The following CDH13 variants were observed in gnomAD, a reference collection of about 807,000 sequenced individuals.
CDH13 encodes cadherin-13.
Under a neutral mutation model 63.8 loss-of-function variants are expected in CDH13, and 24 were observed. The ratio of observed to expected loss-of-function variants is 0.38; its 90% CI spans 0.27 to 0.53. CDH13 has a LOEUF of 0.53. Among genes scored for constraint, CDH13 ranks in the 20% least tolerant of loss-of-function variants. CDH13 has a pLI of 0.85. For synonymous variants in CDH13, 503 were observed against 355.3 expected (o/e 1.42, Z -4.67); for missense variants, 1,049 against 903.1 (o/e 1.16, Z -2.07).
intron 7 of CDH13, among the ~76,000 whole-genome samples, chr16:83,531,152 A>T (rs1473383626): frequency 6.6e-6 from 1 of 152,212 alleles, no homozygotes; most frequent in African/African-American, 2.4e-5. Context: ...CTTCTGGGTA[A>T]CACCTATGTT....
At chr16:83,233,922 A>C (rs967286842) in intron 5 of CDH13, among the ~76,000 whole-genome samples, 2 of 152,188 alleles carry the variant, frequency 1.3e-5, no homozygotes, top group Non-Finnish European at 2.9e-5. Flanking sequence ...GGAGAGACAG[A>C]GTGGGTTAGG....
At chr16:83,299,561 C>T (rs529710623) in intron 5 of CDH13, among the ~76,000 whole-genome samples, 2 of 152,178 alleles carry the variant, frequency 1.3e-5, no homozygotes, top group African/African-American at 4.8e-5. Context: ...TTTGTTCATT[C>T]CACATAAGTG....
chr16:82,636,645 G>C lies in CDH13; in HGVS notation c.45+9508G>C, dbSNP rs145839333. Reference sequence around the variant, plus strand: ...GCTTCAGCATGTTGGGTGTAGCCTTGGTGACTTCTGTTTGTGGTGTAGTAG... The same window carrying C: ...GCTTCAGCATGTTGGGTGTAGCCTTCGTGACTTCTGTTTGTGGTGTAGTAG... On this transcript the variant is annotated intron_variant, in intron 1 of 13. Transcript: ENST00000567109. Among the ~76,000 whole-genome samples the C allele has an allele frequency of 2.5e-3, 386 of 152,066 alleles. 2 individuals are homozygous for C. The highest frequency in any genetic ancestry group is 8.5e-3 in the African/African-American group (354 of 41,482).
chr16:82,811,553 T>C (rs896904264), intron 1 of CDH13, among the ~76,000 whole-genome samples: 6 of 152,166 alleles, frequency 3.9e-5, no homozygotes, highest in Admixed American at 3.9e-4. Context: ...ACCTGCTTAA[T>C]TTTCGTTAGA....
intron 1 of CDH13, among the ~76,000 whole-genome samples, chr16:82,671,788 G>A (rs1234003746): frequency 6.6e-6 from 1 of 151,992 alleles, no homozygotes; most frequent in Non-Finnish European, 1.5e-5. Context: ...TGTTCTTTGG[G>A]CTTCTTTTCT....
chr16:83,157,124 T>C (rs1347106307), intron 4 of CDH13, among the ~76,000 whole-genome samples: 1 of 152,248 alleles, frequency 6.6e-6, no homozygotes, highest in Non-Finnish European at 1.5e-5. Context: ...TGATCCTGGT[T>C]CAGTAGATTG....
intron 1 of CDH13, among the ~76,000 whole-genome samples, chr16:82,741,915 C>G (rs764422838): frequency 6.6e-6 from 1 of 151,768 alleles, no homozygotes; most frequent in Non-Finnish European, 1.5e-5. Flanking sequence ...TATGTGTTGA[C>G]CCAGAAATTT....
intron 2 of CDH13, among the ~76,000 whole-genome samples, chr16:82,916,816 A>G (rs2042005830): frequency 1.3e-5 from 2 of 152,338 alleles, no homozygotes; most frequent in Middle Eastern, 3.4e-3. Context: ...ATTCCCTACT[A>G]GGAGATAGTT....
chr16:83,036,481 T>G (rs974185515), intron 3 of CDH13, among the ~76,000 whole-genome samples: 4 of 152,132 alleles, frequency 2.6e-5, no homozygotes, highest in Non-Finnish European at 4.4e-5. Flanking sequence ...TAGGTTCTAT[T>G]GGCTCACCAT....
intron 2 of CDH13, among the ~76,000 whole-genome samples, chr16:82,861,162 G>A (rs898429339): frequency 6.6e-6 from 1 of 152,174 alleles, no homozygotes; most frequent in African/African-American, 2.4e-5. Context: ...CCAGGAAATG[G>A]TTAGGGATGT....
chr16:82,705,182 C>G (rs753230031), intron 1 of CDH13: 2 of 455,870 alleles, frequency 4.4e-6, no homozygotes, highest in Non-Finnish European at 8.8e-6. Flanking sequence ...CAGATTGCTT[C>G]CAGGACTATT....
intron 10 of CDH13, among the ~76,000 whole-genome samples, chr16:83,694,863 C>G (rs887357857): frequency 6.6e-6 from 1 of 152,240 alleles, no homozygotes; most frequent in Admixed American, 6.5e-5. Flanking sequence ...TACCGAAAAA[C>G]TCAATCATCC....
chr16:82,794,931 C>G (rs1001167388), intron 1 of CDH13, among the ~76,000 whole-genome samples: 5 of 152,170 alleles, frequency 3.3e-5, no homozygotes, highest in Non-Finnish European at 7.3e-5. Context: ...AAAGAAATGG[C>G]TGTGGGTTGG....
rs7186037 is a variant in CDH13 at position 83,183,999 on chromosome 16, A to G, written c.484-33346A>G. On this transcript the variant is annotated intron_variant, in intron 4 of 13. Transcript: ENST00000567109. ...CCCGTTTCTCAACTTGAACATTAACATCTAAGCCATAGCACTGATTGTAGA... is the reference window on the plus strand; with the variant it reads ...CCCGTTTCTCAACTTGAACATTAACGTCTAAGCCATAGCACTGATTGTAGA... Among the ~76,000 whole-genome samples the G allele has an allele frequency of 8.1e-3, 1,226 of 151,988 alleles. 15 individuals are homozygous for G. The highest frequency in any genetic ancestry group is 0.028 in the African/African-American group (1,164 of 41,424).
At chr16:82,679,498 C>T (rs3852737) in intron 1 of CDH13, among the ~76,000 whole-genome samples, 4 of 151,960 alleles carry the variant, frequency 2.6e-5, no homozygotes, top group Non-Finnish European at 4.4e-5. Flanking sequence ...AGAAAAATAA[C>T]GCCTGGTAAG....
At position 83,799,676 on chromosome 16, in the gene CDH13, TTAAC is replaced by T. The variant is rs1474468823; in HGVS notation, c.*4648_*4651del. The T allele has an allele frequency of 6.6e-6, 1 of 152,260 alleles. No individual in the cohort carries two copies. The highest frequency in any genetic ancestry group is 1.5e-5 in the Non-Finnish European group (1 of 68,052). 9.4% of individuals were successfully genotyped at this position (152,260 alleles called of 1,614,324 possible). On this transcript the variant is annotated 3_prime_UTR_variant, in exon 14 of 14. Transcript: ENST00000567109. ...TCATAAAGACCTCCATCTTCTCTCC[TTAAC>T]TGACTGTTGAGATTTGATAATTTTC...
chr16:83,067,586 G>A (rs569598574), intron 3 of CDH13, among the ~76,000 whole-genome samples: 4 of 152,262 alleles, frequency 2.6e-5, no homozygotes, highest in Non-Finnish European at 4.4e-5. Flanking sequence ...GTTCATGATC[G>A]AAGAACCTCA....
chr16:83,473,359 A>G (rs555068899), intron 6 of CDH13, among the ~76,000 whole-genome samples: 1 of 152,358 alleles, frequency 6.6e-6, no homozygotes, highest in South Asian at 2.1e-4. Flanking sequence ...CAGCTTTACT[A>G]GCAATTTGCT....
intron 7 of CDH13, among the ~76,000 whole-genome samples, chr16:83,590,002 G>A (rs1906575174): frequency 6.6e-6 from 1 of 152,184 alleles, no homozygotes; most frequent in South Asian, 2.1e-4. Flanking sequence ...CTGCAGAGAT[G>A]CGGAGGAGTG....
Sources: gnomAD v4.1 joint callset for allele counts (sites outside exome capture counted in the v4.1 genomes callset) on GRCh38, gnomAD v4.1.1 for gene constraint, MANE v1.5 for transcripts, NCBI Gene and HGNC (gene_info 2026-07-23, HGNC 2026-07-21) for gene names.